PLEKHA1: variants seen among roughly 807,000 people sequenced by gnomAD.
PLEKHA1 encodes the protein pleckstrin homology domain-containing family A member 1.
In PLEKHA1, 34 loss-of-function variants were observed where a neutral mutation model predicts 52.0. The ratio of observed to expected loss-of-function variants is 0.65; its 90% CI spans 0.50 to 0.87. The LOEUF is 0.87. PLEKHA1 is among the 40% of genes least tolerant of loss of function. The pLI, the probability that PLEKHA1 is intolerant of heterozygous loss-of-function variation, is 0.00. For missense variants in PLEKHA1, 497 were observed against 504.2 expected (o/e 0.99, Z 0.14); for synonymous variants, 163 against 170.7 (o/e 0.95, Z 0.35).
chr10:122,395,122 TG>T (rs1258874287), intron 2 of PLEKHA1, among the ~76,000 whole-genome samples: 26 of 152,236 alleles, frequency 1.7e-4, no homozygotes, highest in African/African-American at 6.3e-4. Context: ...AAGAACAGTG[TG>T]GGCAGAGATC....
At chr10:122,427,072 C>G (rs1455251221) in intron 11 of PLEKHA1, 41 bp downstream of exon 11, 1 of 1,528,656 alleles carries the variant, frequency 6.5e-7, no homozygotes, top group Non-Finnish European at 9.0e-7. Flanking sequence ...CCTTGCGTCT[C>G]CCCCATCCTA....
chr10:122,392,045 G>A (rs1483045032), intron 1 of PLEKHA1, among the ~76,000 whole-genome samples: 1 of 152,152 alleles, frequency 6.6e-6, no homozygotes, highest in East Asian at 1.9e-4. Context: ...TACCAGAATA[G>A]TAACAGCTGT....
intron 4 of PLEKHA1, among the ~76,000 whole-genome samples, chr10:122,404,110 A>C (rs1177864107): frequency 6.6e-6 from 1 of 152,244 alleles, no homozygotes; most frequent in Non-Finnish European, 1.5e-5. Flanking sequence ...CCTCTTAAGG[A>C]GGTGGAATGA....
At chr10:122,409,730 G>A (rs1031381123) in intron 5 of PLEKHA1, among the ~76,000 whole-genome samples, 23 of 151,520 alleles carry the variant, frequency 1.5e-4, no homozygotes, top group Non-Finnish European at 2.7e-4. Flanking sequence ...GTGTCTGCAC[G>A]TTTTTATCCT....
chr10:122,406,751 G>C lies in PLEKHA1; in HGVS notation c.342+78G>C, dbSNP rs2097022096. ...CATTTTGAAAATACACCTACCAAAT[G>C]TTCCCAGCTTACCAACAGGTTTCAT... On this transcript the variant is annotated intron_variant, in intron 5 of 11. Coordinates refer to ENST00000368990, the MANE Select transcript of PLEKHA1 (RefSeq NM_001001974.4). 10 of 1,067,910 alleles carry C rather than the reference G, an allele frequency of 9.4e-6. No homozygotes were observed. In the Admixed American group the frequency reaches 1.9e-4, roughly 21 times the overall value. 66.2% of individuals were successfully genotyped at this position (1,067,910 alleles called of 1,614,324 possible). A position where few individuals can be genotyped will look rare whatever the true frequency, so the allele number is the denominator to read the frequency against.
At chr10:122,395,565 C>T (rs2096839101) in intron 2 of PLEKHA1, among the ~76,000 whole-genome samples, 1 of 151,876 alleles carries the variant, frequency 6.6e-6, no homozygotes, top group African/African-American at 2.4e-5. Flanking sequence ...TATGAAATTG[C>T]TAATATACAG....
intron 3 of PLEKHA1, among the ~76,000 whole-genome samples, chr10:122,398,305 T>C (rs11200608): frequency 0.48 from 72,321 of 149,166 alleles, 17,854 homozygotes; most frequent in East Asian, 0.62. Context: ...ATTATGTTTA[T>C]TTAGACTGTT....
At chr10:122,381,524 G>C (rs1229543862) in intron 1 of PLEKHA1, among the ~76,000 whole-genome samples, 1 of 152,064 alleles carries the variant, frequency 6.6e-6, no homozygotes, top group African/African-American at 2.4e-5. Flanking sequence ...TCTTCCTCCT[G>C]CTCCTGCGAT....
At position 122,400,355 on chromosome 10, in the gene PLEKHA1, A is replaced by G. The variant is rs1271070115; in HGVS notation, c.211A>G (p.Thr71Ala). 6.2e-7 allele frequency: 1 copy of G among 1,607,292 alleles called. No homozygotes were observed. The change falls in exon 4 of 12, where the codon ACT (threonine) becomes GCT (alanine). Residue 71 changes from threonine (T) to alanine (A), a missense_variant. Physicochemically the swap from Thr to Ala is moderately conservative, Grantham distance 58. Coordinates refer to ENST00000368990, the MANE Select transcript of PLEKHA1 (RefSeq NM_001001974.4). ...LTYISKVSDA[T>A]KLRPKAEFCF... Reference sequence around the variant, plus strand: ...TTTTTCTTTTTAGGTTAGCGATGCTACTAAGCTAAGGCCAAAGGCGGAGTT... The same window carrying G: ...TTTTTCTTTTTAGGTTAGCGATGCTGCTAAGCTAAGGCCAAAGGCGGAGTT...
intron 10 of PLEKHA1, among the ~76,000 whole-genome samples, chr10:122,426,453 A>T (rs7087646): frequency 0.016 from 2,404 of 152,288 alleles, 56 homozygotes; most frequent in African/African-American, 0.055. Flanking sequence ...AATTGGATTA[A>T]TTTCATAGTA....
downstream of PLEKHA1, chr10:122,436,494 A>G (rs1044016063): frequency 3.3e-5 from 5 of 152,344 alleles, 2 homozygotes; most frequent in East Asian, 5.8e-4. Flanking sequence ...TTATAAAGAT[A>G]ATCACTTGGT....
intron 8 of PLEKHA1, 38 bp from the exon 9 acceptor site, chr10:122,424,158 ACAT>A (rs2097302258): frequency 2.0e-6 from 3 of 1,524,884 alleles, no homozygotes; most frequent in Non-Finnish European, 2.6e-6. Flanking sequence ...TTAAGAATAA[ACAT>A]CATGTAACTG....
At chr10:122,403,277 A>G (rs1311866673) in intron 4 of PLEKHA1, among the ~76,000 whole-genome samples, 5 of 152,236 alleles carry the variant, frequency 3.3e-5, no homozygotes, top group Non-Finnish European at 1.5e-5. Flanking sequence ...ATAGAGACTG[A>G]GAGGACAGAG....
In PLEKHA1 at chr10:122,406,669, T is replaced by G; in HGVS notation, c.338T>G (p.Ile113Ser). ...AATGTGTTAAACAAAGCTATAAAAATTACAGTAAGTATATGTATTTTTTTG... is the reference window on the plus strand; with the variant it reads ...AATGTGTTAAACAAAGCTATAAAAAGTACAGTAAGTATATGTATTTTTTTG... ...WVNVLNKAIK[I>S]TVPKQSDSQP... The change falls in exon 5 of 12, where the codon ATT becomes AGT. Residue 113 changes from isoleucine (I) to serine (S), a missense_variant. Coordinates refer to ENST00000368990, the MANE Select transcript of PLEKHA1 (RefSeq NM_001001974.4). The G allele has an allele frequency of 1.9e-6, 3 of 1,596,682 alleles. No individual in the cohort carries two copies. Among genetic ancestry groups the G allele is most frequent in the Non-Finnish European group, 2.6e-6 (3 of 1,164,882 alleles).
chr10:122,404,476 A>C (rs1386813009), intron 4 of PLEKHA1, among the ~76,000 whole-genome samples: 1 of 152,188 alleles, frequency 6.6e-6, no homozygotes, highest in East Asian at 1.9e-4. Flanking sequence ...AATTCTTCAG[A>C]TATTCTGGGC....
chr10:122,389,448 C>G (rs1005941746), intron 1 of PLEKHA1, among the ~76,000 whole-genome samples: 1 of 152,184 alleles, frequency 6.6e-6, no homozygotes, highest in Non-Finnish European at 1.5e-5. Flanking sequence ...ACCTGTAATT[C>G]CAACACTTTG....
chr10:122,406,473 G>T (rs2097016920), intron 4 of PLEKHA1, 103 bp from the exon 5 acceptor site: 1 of 845,392 alleles, frequency 1.2e-6, no homozygotes, highest in South Asian at 1.4e-5. Context: ...TCAAATCCAC[G>T]AGAGTCACGG....
intron 1 of PLEKHA1, among the ~76,000 whole-genome samples, chr10:122,383,549 T>G (rs1229366648): frequency 6.6e-6 from 1 of 150,968 alleles, no homozygotes; most frequent in East Asian, 1.9e-4. Context: ...ATTGCTGAGC[T>G]CACACAATCC....
intron 1 of PLEKHA1, among the ~76,000 whole-genome samples, chr10:122,380,065 T>C (rs975737728): frequency 4.6e-5 from 7 of 152,216 alleles, no homozygotes; most frequent in East Asian, 3.8e-4. Flanking sequence ...ACTAAAAATA[T>C]AAATTTAAGT....
Sources: gnomAD v4.1 joint callset for allele counts (sites outside exome capture counted in the v4.1 genomes callset) on GRCh38, gnomAD v4.1.1 for gene constraint, MANE v1.5 for transcripts, NCBI Gene and HGNC (gene_info 2026-07-23, HGNC 2026-07-21) for gene names.